Variants in MNX1 observed in about 807,000 individuals in gnomAD.
The protein encoded by MNX1 is motor neuron and pancreas homeobox 1, also known as motor neuron and pancreas homeobox protein 1.
MNX1 carries 2 observed loss-of-function variants against 17.3 expected under a neutral mutation model. The observed-to-expected ratio is 0.12, with a 90% CI of 0.05 to 0.36. The LOEUF (loss-of-function observed/expected upper bound fraction) is 0.36, where lower values mean the gene tolerates loss of function less well. Ranked by LOEUF, MNX1 falls within the 10% of genes least tolerant of loss-of-function variation. The pLI is 1.00. For synonymous variants in MNX1, 306 were observed against 283.1 expected (o/e 1.08, Z -0.81); for missense variants, 556 against 564.7 (o/e 0.98, Z 0.16).
chr7:157,009,306 C>T, intron 1 of MNX1: 2 of 1,416,538 alleles, frequency 1.4e-6, no homozygotes, highest in South Asian at 3.3e-5. Flanking sequence ...CCCTGACCCC[C>T]ATTCCCGGGC....
rs1313865267 is a variant in MNX1 at position 157,006,420 on chromosome 7, C to G, written c.852+59G>C. 1 of 1,566,786 alleles carries G rather than the reference C, an allele frequency of 6.4e-7. No individual in the cohort carries two copies. Among genetic ancestry groups the G allele is most frequent in the African/African-American group, 1.3e-5 (1 of 74,110 alleles). On this transcript the variant is annotated intron_variant, in intron 2 of 2. Transcript: ENST00000252971. The surrounding 1 kb of genome is among the most constrained non-coding windows in gnomAD (Gnocchi z 6.3). ...TCAGACCGCCCGTGGGTCACAAGTG[C>G]AAAGGTAACAGTGTCCCCTGGGAGG...
intron 1 of MNX1, chr7:157,007,590 G>A (rs915001339): frequency 2.6e-5 from 4 of 152,214 alleles, no homozygotes; most frequent in African/African-American, 7.2e-5. Context: ...GGCAGGATCC[G>A]GTTCTCTGTG....
rs762900686 is a variant in MNX1 at position 157,005,652 on chromosome 7, C to T, written c.1074G>A (p.Glu358=). 5 of 1,610,620 alleles carry T rather than the reference C, an allele frequency of 3.1e-6. No individual in the cohort carries two copies. In the South Asian group the frequency reaches 3.3e-5, roughly 11 times the overall value. The change falls in exon 3 of 3, where the codon GAG becomes GAA. Residue 358 remains glutamate (E), a synonymous_variant. Transcript: ENST00000252971. ...LRDLRDSDPE[E]DEDEDDEDHF... Reference sequence around the variant, plus strand: ...GGTCCTCGTCGTCCTCGTCCTCGTCCTCCTCGGGGTCACTGTCCCTCAAGT... The same window carrying T: ...GGTCCTCGTCGTCCTCGTCCTCGTCTTCCTCGGGGTCACTGTCCCTCAAGT...
In MNX1 at chr7:157,010,136, C is replaced by G. The variant is rs1805687199; in HGVS notation, c.215G>C (p.Arg72Pro). Residue 72 changes from arginine to proline, a missense_variant, in exon 1 of 3, where the codon CGC becomes CCC. Around this residue, in one of 7 missense-constraint regions of MNX1, gnomAD observed 115 missense variants for 103.5 expected, o/e 1.11. Transcript: ENST00000252971. Reference protein sequence around the residue: ...SSEPPAAPADRLRAESPSPPR... With the variant: ...SSEPPAAPADPLRAESPSPPR... Reference sequence around the variant, plus strand: ...CGGCGACGGGCTCTCGGCGCGCAGGCGGTCGGCGGGCGCAGCCGGCGGCTC... The same window carrying G: ...CGGCGACGGGCTCTCGGCGCGCAGGGGGTCGGCGGGCGCAGCCGGCGGCTC... 9.7e-7 allele frequency: 1 copy of G among 1,034,324 alleles called. No homozygotes were observed. Among genetic ancestry groups the G allele is most frequent in the African/African-American group, 1.7e-5 (1 of 57,766 alleles). 64.1% of individuals were successfully genotyped at this position (1,034,324 alleles called of 1,614,324 possible). A position where few individuals can be genotyped will look rare whatever the true frequency, so the allele number is the denominator to read the frequency against.
At position 157,005,694 on chromosome 7, in the gene MNX1, G is replaced by A. The variant is rs1440158045; in HGVS notation, c.1032C>T (p.Ser344=). ...CCCTCAAGTCCCGCAGGCGGCGTCCGCTGCCCTTGTCTCCGGGCGCTGGCG... is the reference window on the plus strand; with the variant it reads ...CCCTCAAGTCCCGCAGGCGGCGTCCACTGCCCTTGTCTCCGGGCGCTGGCG... ...LGPPAPGDKG[S]GRRLRDLRDS... is the part of the protein sequence containing the mutation. Residue 344 remains serine (S), a synonymous_variant, in exon 3 of 3, where the codon AGC becomes AGT. Transcript: ENST00000252971. 3 of 1,610,400 alleles carry A rather than the reference G, an allele frequency of 1.9e-6. No individual in the cohort carries two copies. The highest frequency in any genetic ancestry group is 2.5e-6 in the Non-Finnish European group (3 of 1,179,292).
rs1206472759 is a variant in MNX1 at position 157,006,643 on chromosome 7, G to C, written c.692-4C>G. On this transcript the variant is annotated splice_polypyrimidine_tract_variant and splice_region_variant and intron_variant, in intron 1 of 2. Transcript: ENST00000252971. The surrounding 1 kb of genome is among the most constrained non-coding windows in gnomAD (Gnocchi z 6.3). ...AGGAGGTTCGACTGCGCCTGGGCTG[G>C]GGACCAAAGGGCAGTGAGGCCCACA... 2 of 1,583,138 alleles carry C rather than the reference G, an allele frequency of 1.3e-6. No homozygotes were observed. Among genetic ancestry groups the C allele is most frequent in the African/African-American group, 2.7e-5 (2 of 74,606 alleles).
At chr7:157,009,359 C>T in intron 1 of MNX1, 1 of 1,414,014 alleles carries the variant, frequency 7.1e-7, no homozygotes, top group African/African-American at 1.5e-5. Context: ...CCCCCGGCGA[C>T]TTCCTTCTCC....
chr7:157,005,682 C>T lies in MNX1; in HGVS notation c.1044G>A (p.Leu348=). Residue 348 remains leucine, a synonymous_variant, in exon 3 of 3, where the codon CTG becomes CTA. Transcript: ENST00000252971. Reference sequence around the variant, plus strand: ...CGGGGTCACTGTCCCTCAAGTCCCGCAGGCGGCGTCCGCTGCCCTTGTCTC... The same window carrying T: ...CGGGGTCACTGTCCCTCAAGTCCCGTAGGCGGCGTCCGCTGCCCTTGTCTC... The part of the protein sequence containing the change: ...APGDKGSGRR[L]RDLRDSDPEE... The T allele has an allele frequency of 6.2e-7, 1 of 1,610,698 alleles. No individual in the cohort carries two copies. Among genetic ancestry groups the T allele is most frequent in the East Asian group, 2.2e-5 (1 of 44,780 alleles).
At chr7:157,007,656 G>A (rs540997253) in intron 1 of MNX1, 1 of 152,380 alleles carries the variant, frequency 6.6e-6, no homozygotes, top group East Asian at 1.9e-4. Context: ...TTACATCACA[G>A]AGAATTTTAT....
rs747086373 is a variant in MNX1, at chr7:157,010,396, G to A, written c.-46C>T. 3.3e-6 allele frequency: 5 copies of A among 1,503,664 alleles called. No homozygotes were observed. The South Asian group carries it at 4.8e-5, about 14-fold the overall frequency. 93.1% of individuals were successfully genotyped at this position (1,503,664 alleles called of 1,614,324 possible). ...CTCAGGGCCCGGTGGCGGGCGACGC[G>A]GCCGTGTGCGGGCTCGCGGAGTCAG... On this transcript the variant is annotated 5_prime_UTR_variant, in exon 1 of 3. Transcript: ENST00000252971.
intron 1 of MNX1, chr7:157,007,802 C>T (rs959560419): frequency 6.6e-6 from 1 of 152,266 alleles, no homozygotes; most frequent in African/African-American, 2.4e-5. Flanking sequence ...GGGCAGTTTG[C>T]TTTAGAGGAT....
rs374082660 is a variant in MNX1, at chr7:157,010,296, G to T, written c.55C>A (p.Arg19=). The change falls in exon 1 of 3, where the codon CGA becomes AGA. Residue 19 remains arginine (R), a synonymous_variant. Coordinates refer to ENST00000252971, the MANE Select transcript of MNX1 (RefSeq NM_005515.4). The part of the protein sequence containing the change: ...IDALLAVDPP[R]AASAQSAPLA... ...GGCGCGCTCTGCGCAGAGGCGGCTC[G>T]TGGGGGGTCCACCGCCAGCAGGGCG... 6.3e-7 allele frequency: 1 copy of T among 1,574,830 alleles called. No homozygotes were observed.
In MNX1 at chr7:157,006,735, GC is replaced by G; in HGVS notation, c.692-97del. The G allele has an allele frequency of 7.4e-7, 1 of 1,349,612 alleles. No individual in the cohort carries two copies. Among genetic ancestry groups the G allele is most frequent in the Non-Finnish European group, 1.0e-6 (1 of 1,000,326 alleles). The allele number at this position is 1,349,612 out of a possible 1,614,324, so 83.6% of individuals were successfully genotyped here. Reference sequence around the variant, plus strand: ...GTACCACTACACTCAAGGCCCCAGCGCCAAGGCCTGGCCCTGCAGAGGGCGG... The same window carrying G: ...GTACCACTACACTCAAGGCCCCAGCGCAAGGCCTGGCCCTGCAGAGGGCGG... On this transcript the variant is annotated intron_variant, in intron 1 of 2. Transcript: ENST00000252971. The surrounding 1 kb of genome is among the most constrained non-coding windows in gnomAD (Gnocchi z 6.3).
At chr7:157,009,335 T>G (rs1240083116) in intron 1 of MNX1, 2 of 1,414,384 alleles carry the variant, frequency 1.4e-6, no homozygotes, top group African/African-American at 2.9e-5. Flanking sequence ...TTCAGGGCGC[T>G]CTCGGCTCGC....
rs1439844258 is a variant in MNX1 at position 157,006,905 on chromosome 7, G to T, written c.692-266C>A. The T allele has an allele frequency of 6.6e-6, 2 of 301,646 alleles. No homozygotes were observed. The highest frequency in any genetic ancestry group is 5.6e-5 in the African/African-American group (2 of 35,776). 18.7% of individuals were successfully genotyped at this position (301,646 alleles called of 1,614,324 possible). ...ACGTCTGAGTGTCCCTGTTAAACAG[G>T]GCCCATCGCAGGAGGCTTCCTCTCC... On this transcript the variant is annotated intron_variant, in intron 1 of 2. Transcript: ENST00000252971. This position sits in a 1 kb window ranked among gnomAD's most constrained non-coding sequence, Gnocchi z 6.3.
rs747676709 is a variant in MNX1, at chr7:157,010,439, CG to C, written c.-90del. On this transcript the variant is annotated 5_prime_UTR_variant, in exon 1 of 3. Transcript: ENST00000252971. ...GGAGTCAGTGCGTGCGGTGCAAGCCCGGGGGCTCGGTATTGTTATGGTGGTT... is the reference window on the plus strand; with the variant it reads ...GGAGTCAGTGCGTGCGGTGCAAGCCCGGGGCTCGGTATTGTTATGGTGGTT... 87 of 950,724 alleles carry C rather than the reference CG, an allele frequency of 9.2e-5. 1 individual carries two copies. Among genetic ancestry groups the C allele is most frequent in the East Asian group, 8.4e-4 (27 of 32,282 alleles). The allele number at this position is 950,724 out of a possible 1,614,324, so 58.9% of individuals were successfully genotyped here. A position where few individuals can be genotyped will look rare whatever the true frequency, so the allele number is the denominator to read the frequency against.
rs1805573422 is a variant in MNX1 at position 157,005,476 on chromosome 7, C to T, written c.*44G>A. 5 of 1,231,306 alleles carry T rather than the reference C, an allele frequency of 4.1e-6. No homozygotes were observed. The Admixed American group carries it at 1.3e-4, about 32-fold the overall frequency. The allele number at this position is 1,231,306 out of a possible 1,614,324, so 76.3% of individuals were successfully genotyped here. Reference sequence around the variant, plus strand: ...CGGGGCCTCCGGGAGAAGCCGCCGGCCGGGGCGCTCCGTGCGCGCCGCACC... The same window carrying T: ...CGGGGCCTCCGGGAGAAGCCGCCGGTCGGGGCGCTCCGTGCGCGCCGCACC... On this transcript the variant is annotated 3_prime_UTR_variant, in exon 3 of 3. Transcript: ENST00000252971.
chr7:157,005,639 C>T lies in MNX1; in HGVS notation c.1087G>A (p.Asp363Asn). The T allele has an allele frequency of 6.3e-7, 1 of 1,580,964 alleles. No individual in the cohort carries two copies. The highest frequency in any genetic ancestry group is 8.6e-7 in the Non-Finnish European group (1 of 1,163,136). ...CTGTAGGGGAAATGGTCCTCGTCGT[C>T]CTCGTCCTCGTCCTCCTCGGGGTCA... ...DSDPEEDEDE[D>N]DEDHFPYSNG... Residue 363 changes from aspartate (D) to asparagine (N), a missense_variant, in exon 3 of 3, where the codon GAC becomes AAC. Around this residue, in one of 7 missense-constraint regions of MNX1, gnomAD observed 178 missense variants for 155.2 expected, o/e 1.15. Transcript: ENST00000252971.
rs1386113811 is a variant in MNX1 at position 157,010,003 on chromosome 7, G to C, written c.348C>G (p.His116Gln). The C allele has an allele frequency of 1.0e-6, 1 of 978,206 alleles. No individual in the cohort carries two copies. The highest frequency in any genetic ancestry group is 1.2e-6 in the Non-Finnish European group (1 of 830,620). 60.6% of individuals were successfully genotyped at this position (978,206 alleles called of 1,614,324 possible). The change falls in exon 1 of 3, where the codon CAC (histidine) becomes CAG (glutamine). Residue 116 changes from histidine to glutamine, a missense_variant. His to Gln is a conservative substitution (Grantham distance 24). Coordinates refer to ENST00000252971, the MANE Select transcript of MNX1 (RefSeq NM_005515.4). ...CAGCGGCCGCTGCGCCCGGATGCGCGTGGTGGTGGGGCCCCCCGTGCCCGC... is the reference window on the plus strand; with the variant it reads ...CAGCGGCCGCTGCGCCCGGATGCGCCTGGTGGTGGGGCCCCCCGTGCCCGC... ...TGGGHGGPHH[H>Q]AHPGAAAAAA...
Sources: gnomAD v4.1 joint callset for allele counts on GRCh38, gnomAD v4.1.1 for gene constraint, gnomAD v4.1.1 regional missense constraint, Gnocchi (gnomAD v3.1) non-coding constraint, MANE v1.5 for transcripts, NCBI Gene and HGNC (gene_info 2026-07-23, HGNC 2026-07-21) for gene names.